NTM: variants seen among roughly 807,000 people sequenced by gnomAD.
NTM encodes neurotrimin, also known as IgLON family member 2.
A neutral mutation model predicts 42.1 loss-of-function variants in NTM; 13 were observed. The observed-to-expected ratio is 0.31, with a 90% confidence interval of 0.20 to 0.49. The LOEUF is 0.49. Ranked by LOEUF, NTM falls within the 20% of genes least tolerant of loss-of-function variation. The pLI is 0.99. For synonymous variants in NTM, 187 were observed against 179.2 expected, an observed-to-expected ratio of 1.04 and a Z score of -0.35; for missense variants, 373 against 452.8, an observed-to-expected ratio of 0.82 and a Z score of 1.60.
chr11:131,763,163 C>A (rs1256526304), intron 1 of NTM, among the ~76,000 whole-genome samples: 1 of 152,008 alleles, frequency 6.6e-6, no homozygotes, highest in Admixed American at 6.6e-5. Flanking sequence ...TTACATAAAA[C>A]CCAGGCAGCC....
chr11:131,831,576 T>C (rs2042826204), intron 1 of NTM, among the ~76,000 whole-genome samples: 1 of 152,198 alleles, frequency 6.6e-6, no homozygotes, highest in African/African-American at 2.4e-5. Flanking sequence ...AAGCAATTTG[T>C]ACAGTGTTCA....
At chr11:131,817,913 G>A (rs1293959729) in intron 1 of NTM, among the ~76,000 whole-genome samples, 1 of 152,182 alleles carries the variant, frequency 6.6e-6, no homozygotes, top group Non-Finnish European at 1.5e-5. Context: ...CCTGTTCCTG[G>A]GTTTGAACTG....
At chr11:131,633,604 CCTCTCTCA>C (rs1252822543) in intron 1 of NTM, among the ~76,000 whole-genome samples, 2 of 68,576 alleles carry the variant, frequency 2.9e-5, no homozygotes, top group Non-Finnish European at 6.1e-5. Context: ...TCACTCCCTC[CCTCTCTCA>C]CTCTCTCCCT....
chr11:132,073,987 G>A (rs1313279758), intron 2 of NTM, among the ~76,000 whole-genome samples: 2 of 152,192 alleles, frequency 1.3e-5, no homozygotes, highest in East Asian at 3.9e-4. Flanking sequence ...GTTGGAATGT[G>A]TGCTAACAGG....
In NTM at chr11:131,954,920, A is replaced by G. The variant is rs560377990; in HGVS notation, c.167+43272A>G. ...ATATTTTATTGCTACACAATATTCT[A>G]TTTTCTAAATGGACCATCATTTAAG... is the stretch of plus-strand genomic sequence containing the variant. On this transcript the variant is annotated intron_variant, in intron 2 of 8. Coordinates refer to ENST00000683400, the MANE Select transcript of NTM (RefSeq NM_001352005.2). 2.4e-4 allele frequency among the ~76,000 whole-genome samples: 37 copies of G among 152,222 alleles called. No homozygotes were observed. In the East Asian group the frequency reaches 6.6e-3, roughly 27 times the overall value.
intron 4 of NTM, among the ~76,000 whole-genome samples, chr11:132,282,400 G>T (rs1235985971): frequency 2.6e-5 from 4 of 152,140 alleles, no homozygotes; most frequent in Admixed American, 2.6e-4. Context: ...AATTGTTCTG[G>T]TTTCCAAGTT....
At chr11:132,154,085 A>T (rs2072614038) in intron 3 of NTM, among the ~76,000 whole-genome samples, 1 of 152,148 alleles carries the variant, frequency 6.6e-6, no homozygotes. Context: ...TGAGGACGCT[A>T]ATATGGTCAC....
In NTM at chr11:132,171,558, C is replaced by T. The variant is rs76209467; in HGVS notation, c.400+25044C>T. On this transcript the variant is annotated intron_variant, in intron 3 of 8. Transcript: ENST00000683400. ...CTCATAACTTAATCACCTCGCAAGG[C>T]TCCACCCTCAAAAACCATCATCTTA... Among the ~76,000 whole-genome samples, 439 of 152,302 alleles carry T rather than the reference C, an allele frequency of 2.9e-3. No homozygotes were observed. In the Middle Eastern group the frequency reaches 0.034, roughly 12 times the overall value.
chr11:131,650,286 A>G (rs1275613167), intron 1 of NTM, among the ~76,000 whole-genome samples: 1 of 152,214 alleles, frequency 6.6e-6, no homozygotes, highest in African/African-American at 2.4e-5. Context: ...TTTGGGGGGT[A>G]CATCCTCACA....
chr11:131,789,626 AAG>A (rs1418024908), intron 1 of NTM, among the ~76,000 whole-genome samples: 4 of 90,054 alleles, frequency 4.4e-5, no homozygotes, highest in African/African-American at 1.8e-4. Flanking sequence ...GAAGAAGAAG[AAG>A]AAGAAGAAAA....
At chr11:132,071,021 G>A (rs369712091) in intron 2 of NTM, among the ~76,000 whole-genome samples, 2,578 of 33,602 alleles carry the variant, frequency 0.077, 2 homozygotes, top group Middle Eastern at 0.21. Flanking sequence ...ATCACAGGTT[G>A]GTTAACACGT....
At chr11:131,632,460 G>A (rs1333795556) in intron 1 of NTM, among the ~76,000 whole-genome samples, 2 of 151,950 alleles carry the variant, frequency 1.3e-5, no homozygotes, top group East Asian at 1.9e-4. Flanking sequence ...TTACACCCAT[G>A]TTTTTTGTTA....
At chr11:131,377,557 C>T (rs551796132) in intron 1 of NTM, among the ~76,000 whole-genome samples, 2 of 152,332 alleles carry the variant, frequency 1.3e-5, no homozygotes, top group Non-Finnish European at 2.9e-5. Context: ...TCTATGAGAA[C>T]CCTTTTAATT....
chr11:132,190,459 C>T (rs575893776), intron 3 of NTM, among the ~76,000 whole-genome samples: 14 of 152,138 alleles, frequency 9.2e-5, no homozygotes, highest in South Asian at 8.3e-4. Flanking sequence ...TAGAAAGGGC[C>T]GGGTGTGGTG....
intron 4 of NTM, among the ~76,000 whole-genome samples, chr11:132,290,644 A>T (rs1271351735): frequency 1.3e-5 from 2 of 152,224 alleles, no homozygotes; most frequent in Non-Finnish European, 2.9e-5. Context: ...TATGCTACAG[A>T]TACAGAAATA....
At chr11:131,718,872 C>A (rs548478571) in intron 1 of NTM, among the ~76,000 whole-genome samples, 1 of 152,270 alleles carries the variant, frequency 6.6e-6, no homozygotes, top group African/African-American at 2.4e-5. Context: ...GTGCTCCTCT[C>A]GTTTTCCATC....
At chr11:131,859,888 G>C (rs1277564020) in intron 1 of NTM, among the ~76,000 whole-genome samples, 1 of 151,374 alleles carries the variant, frequency 6.6e-6, no homozygotes, top group Non-Finnish European at 1.5e-5. Flanking sequence ...CTCTTTCTGA[G>C]ACTATTAAAG....
intron 2 of NTM, among the ~76,000 whole-genome samples, chr11:132,069,248 G>T (rs1157800165): frequency 6.8e-6 from 1 of 147,494 alleles, no homozygotes; most frequent in Non-Finnish European, 1.5e-5. Context: ...AAGTTAACAC[G>T]TCACACTGAC....
rs562255014 is a variant in NTM at position 131,726,876 on chromosome 11, G to C, written c.83-184688G>C. On this transcript the variant is annotated intron_variant, in intron 1 of 8. Transcript: ENST00000683400. ...ATACAGGTGTGCACCACCATGCATGGCTATTTTTTTCCACAGAGACGGGGC... is the reference window on the plus strand; with the variant it reads ...ATACAGGTGTGCACCACCATGCATGCCTATTTTTTTCCACAGAGACGGGGC... Among the ~76,000 whole-genome samples the C allele has an allele frequency of 2.6e-4, 39 of 151,378 alleles. 1 individual carries two copies. The highest frequency in any genetic ancestry group is 9.3e-4 in the African/African-American group (38 of 40,706).
Sources: gnomAD v4.1 joint callset for allele counts (sites outside exome capture counted in the v4.1 genomes callset) on GRCh38, gnomAD v4.1.1 for gene constraint, MANE v1.5 for transcripts, NCBI Gene and HGNC (gene_info 2026-07-23, HGNC 2026-07-21) for gene names.